ANPEP: variants seen among roughly 807,000 people sequenced by gnomAD.
The protein encoded by ANPEP is aminopeptidase N.
In ANPEP, 70 loss-of-function variants were observed where a neutral mutation model predicts 114.6. The observed-to-expected ratio is 0.61, with a 90% CI of 0.50 to 0.75. The LOEUF (loss-of-function observed/expected upper bound fraction) is 0.75, where lower values mean the gene tolerates loss of function less well. Ranked by LOEUF, ANPEP falls within the 30% of genes least tolerant of loss-of-function variation. The pLI is 0.00. For synonymous variants in ANPEP, 548 were observed against 522.3 expected (o/e 1.05, Z -0.67); for missense variants, 1,184 against 1,259.5 (o/e 0.94, Z 0.91).
At chr15:89,789,105 G>C (rs778482820) in intron 20 of ANPEP, among the ~76,000 whole-genome samples, 1 of 151,452 alleles carries the variant, frequency 6.6e-6, no homozygotes, top group African/African-American at 2.4e-5. Flanking sequence ...ACAGCCTCCC[G>C]AGTAGCTGGG....
At chr15:89,808,518 G>A (rs1477517903) in intron 1 of ANPEP, among the ~76,000 whole-genome samples, 3 of 152,236 alleles carry the variant, frequency 2.0e-5, no homozygotes, top group African/African-American at 4.8e-5. Flanking sequence ...GCACATGCAC[G>A]AAGGATTGAG....
At chr15:89,800,528 A>G (rs1894565731) in intron 12 of ANPEP, among the ~76,000 whole-genome samples, 1 of 147,252 alleles carries the variant, frequency 6.8e-6, no homozygotes, top group Non-Finnish European at 1.5e-5. Context: ...GCCAGGCACT[A>G]CTTTAAGCAT....
chr15:89,806,679 C>T lies in ANPEP; in HGVS notation c.-96G>A. The T allele has an allele frequency of 6.9e-7, 1 of 1,449,510 alleles. No individual in the cohort carries two copies. Among genetic ancestry groups the T allele is most frequent in the Non-Finnish European group, 9.1e-7 (1 of 1,102,432 alleles). The allele number at this position is 1,449,510 out of a possible 1,614,324, so 89.8% of individuals were successfully genotyped here. On this transcript the variant is annotated 5_prime_UTR_variant, in exon 2 of 21. In the 5' UTR this introduces an upstream ATG that the reference lacks. Transcript: ENST00000300060. This position sits in a 1 kb window ranked among gnomAD's most constrained non-coding sequence, Gnocchi z 5.7. Reference sequence around the variant, plus strand: ...ATATCCCCAAAGGGGAGGAGCCCCACAACAGGCAGACTGGGCAAAAATTAA... The same window carrying T: ...ATATCCCCAAAGGGGAGGAGCCCCATAACAGGCAGACTGGGCAAAAATTAA...
At chr15:89,798,771 C>A (rs1435754079) in intron 14 of ANPEP, among the ~76,000 whole-genome samples, 1 of 152,020 alleles carries the variant, frequency 6.6e-6, no homozygotes. Flanking sequence ...GAAACCCCAT[C>A]TCTACTAAAA....
intron 4 of ANPEP, chr15:89,804,826 C>G (rs758607849): frequency 3.6e-6 from 3 of 825,580 alleles, no homozygotes; most frequent in South Asian, 1.8e-5. Context: ...TGGAGAATAA[C>G]AATCATCATA....
intron 1 of ANPEP, among the ~76,000 whole-genome samples, chr15:89,814,003 GT>G (rs1198816076): frequency 8.7e-5 from 13 of 149,374 alleles, no homozygotes; most frequent in African/African-American, 2.3e-4. Flanking sequence ...GGGGGGGGGG[GT>G]GCGTTCTGGA....
At position 89,806,966 on chromosome 15, in the gene ANPEP, T is replaced by C. The variant is rs1381266608; in HGVS notation, c.-223-160A>G. 9.5e-6 allele frequency: 2 copies of C among 210,500 alleles called. No individual in the cohort carries two copies. Among genetic ancestry groups the C allele is most frequent in the African/African-American group, 2.3e-5 (1 of 44,102 alleles). 13.0% of individuals were successfully genotyped at this position (210,500 alleles called of 1,614,324 possible). Reference sequence around the variant, plus strand: ...GAGAGCTGAGAGGGTGGGAACAGCATCAGAACTGAGGTTAGAGTCAGGGAA... The same window carrying C: ...GAGAGCTGAGAGGGTGGGAACAGCACCAGAACTGAGGTTAGAGTCAGGGAA... On this transcript the variant is annotated intron_variant, in intron 1 of 20. Coordinates refer to ENST00000300060, the MANE Select transcript of ANPEP (RefSeq NM_001150.3). The surrounding 1 kb of genome is among the most constrained non-coding windows in gnomAD (Gnocchi z 5.7).
intron 20 of ANPEP, among the ~76,000 whole-genome samples, chr15:89,786,386 CT>C (rs57614547): frequency 0.011 from 1,423 of 130,506 alleles, 21 homozygotes; most frequent in African/African-American, 0.036. Flanking sequence ...ATTTTAACTA[CT>C]TTTTTTTTTT....
At chr15:89,814,239 T>C (rs1359632399) in intron 1 of ANPEP, among the ~76,000 whole-genome samples, 1 of 149,176 alleles carries the variant, frequency 6.7e-6, no homozygotes, top group Non-Finnish European at 1.5e-5. Flanking sequence ...GCACCTAGAG[T>C]TCCCCTTCCT....
chr15:89,788,764 CTTATTTAT>C lies in ANPEP; in HGVS notation c.2751+1688_2751+1695del, dbSNP rs60279331. On this transcript the variant is annotated intron_variant, in intron 20 of 20. Coordinates refer to ENST00000300060, the MANE Select transcript of ANPEP (RefSeq NM_001150.3). The stretch of plus-strand genomic sequence containing the variant: ...TACAGGTATGCACCACCATGCCCAG[CTTATTTAT>C]TTATTTATTTATTTATTTATTTATT... 4.8e-3 allele frequency among the ~76,000 whole-genome samples: 687 copies of C among 144,096 alleles called. 4 individuals carry two copies. The highest frequency in any genetic ancestry group is 0.016 in the African/African-American group (603 of 37,886). 94.5% of individuals were successfully genotyped at this position (144,096 alleles called of 152,430 possible). A position where few individuals can be genotyped will look rare whatever the true frequency, so the allele number is the denominator to read the frequency against.
chr15:89,799,638 C>G lies in ANPEP; in HGVS notation c.1820-79G>C. 2 of 1,589,444 alleles carry G rather than the reference C, an allele frequency of 1.3e-6. No homozygotes were observed. Among genetic ancestry groups the G allele is most frequent in the Non-Finnish European group, 1.7e-6 (2 of 1,164,778 alleles). On this transcript the variant is annotated intron_variant, in intron 12 of 20. Coordinates refer to ENST00000300060, the MANE Select transcript of ANPEP (RefSeq NM_001150.3). This position sits in a 1 kb window ranked among gnomAD's most constrained non-coding sequence, Gnocchi z 4.2. ...CCTGGACCTCTTGCAAGAGCAGCTG[C>G]CCCCGCAGCCTGGCACCACCTCACC...
At chr15:89,790,398 G>T in intron 20 of ANPEP, 62 bp downstream of exon 20, 1 of 1,490,202 alleles carries the variant, frequency 6.7e-7, no homozygotes, top group Non-Finnish European at 9.4e-7. Flanking sequence ...GAGAAGAATG[G>T]AGTGCCCCTT....
At chr15:89,795,639 T>C (rs551156034) in intron 15 of ANPEP, among the ~76,000 whole-genome samples, 179 of 152,288 alleles carry the variant, frequency 1.2e-3, no homozygotes, top group African/African-American at 4.1e-3. Context: ...CCTTAAACAT[T>C]CAGAGAAATA....
In ANPEP at chr15:89,805,991, T is replaced by A. The variant is rs547177823; in HGVS notation, c.593A>T (p.Tyr198Phe). 1.3e-6 allele frequency: 2 copies of A among 1,597,800 alleles called. No homozygotes were observed. Among genetic ancestry groups the A allele is most frequent in the East Asian group, 2.2e-5 (1 of 44,582 alleles). ...DDLAGFYRSE[Y>F]MEGNVRKVVA... The stretch of plus-strand genomic sequence containing the variant: ...TCACTTTCTGACATTGCCCTCCATG[T>A]ACTCGCTGCGGTAGAAGCCCGCCAG... The change falls in exon 2 of 21, where the codon TAC (tyrosine) becomes TTC (phenylalanine). Residue 198 changes from tyrosine to phenylalanine, a missense_variant. Tyr to Phe is a conservative substitution (Grantham distance 22). Transcript: ENST00000300060.
At chr15:89,785,529 C>T in intron 20 of ANPEP, 28 bp from the exon 21 acceptor site, 1 of 1,565,862 alleles carries the variant, frequency 6.4e-7, no homozygotes, top group East Asian at 2.2e-5. Context: ...GATTCTCAGT[C>T]CGGCTGGGTC....
At chr15:89,802,047 CAG>C (rs373534719) in intron 10 of ANPEP, among the ~76,000 whole-genome samples, 65 of 152,264 alleles carry the variant, frequency 4.3e-4, no homozygotes, top group African/African-American at 1.5e-3. Context: ...GGGCGGGACT[CAG>C]GGGCACTGTT....
At chr15:89,811,545 C>G (rs1464740589) in intron 1 of ANPEP, among the ~76,000 whole-genome samples, 1 of 151,234 alleles carries the variant, frequency 6.6e-6, no homozygotes, top group East Asian at 1.9e-4. Context: ...ACTCGGGAGG[C>G]TGAGGCAGGA....
chr15:89,804,678 T>TGGGTCCCA, intron 4 of ANPEP, 61 bp from the exon 5 acceptor site: 1 of 1,587,654 alleles, frequency 6.3e-7, no homozygotes, highest in Non-Finnish European at 8.6e-7. Flanking sequence ...GCAGGTGGGC[T>TGGGTCCCA]GGGTCCCAGG....
At chr15:89,787,191 G>A (rs995100946) in intron 20 of ANPEP, among the ~76,000 whole-genome samples, 14 of 151,556 alleles carry the variant, frequency 9.2e-5, no homozygotes, top group East Asian at 1.9e-4. Flanking sequence ...GATTACAGGC[G>A]CCCGCCACTG....
Sources: allele counts gnomAD v4.1 joint callset (sites outside exome capture counted in the v4.1 genomes callset), GRCh38; gene constraint gnomAD v4.1.1; non-coding constraint Gnocchi (gnomAD v3.1); transcripts MANE v1.5; gene names NCBI Gene and HGNC (gene_info 2026-07-23, HGNC 2026-07-21).